The following RPSA2 variants were observed in gnomAD, a reference collection of about 807,000 sequenced individuals.
RPSA2 encodes the protein small ribosomal subunit protein uS2B.
At chr19:23,816,092 AAAGCATTTT>A in the RPSA2 span, among the ~76,000 whole-genome samples, 4 of 151,338 alleles carry the variant, frequency 2.6e-5, no homozygotes, top group Non-Finnish European at 2.9e-5. Flanking sequence ...TTAAGCTAGT[AAAGCATTTT>A]ATTTTTTCTT....
chr19:23,824,898 T>C, the RPSA2 span, among the ~76,000 whole-genome samples: 1 of 152,054 alleles, frequency 6.6e-6, no homozygotes, highest in South Asian at 2.1e-4. Context: ...CTGTATTTTT[T>C]TTCTTCATTT....
chr19:23,772,699 A>T, the RPSA2 span, among the ~76,000 whole-genome samples: 2 of 152,184 alleles, frequency 1.3e-5, no homozygotes, highest in Non-Finnish European at 2.9e-5. Flanking sequence ...TATCACCTTC[A>T]CACATGGAAA....
the RPSA2 span, among the ~76,000 whole-genome samples, chr19:23,802,466 GCT>G: frequency 2.0e-5 from 3 of 152,186 alleles, no homozygotes; most frequent in Non-Finnish European, 4.4e-5. Flanking sequence ...CACTGGAAAT[GCT>G]CTCACAATCA....
chr19:23,830,064 A>G, the RPSA2 span, among the ~76,000 whole-genome samples: 1 of 92,000 alleles, frequency 1.1e-5, no homozygotes, highest in Non-Finnish European at 2.5e-5. Context: ...TTTTTTTTTT[A>G]TTTGGCAGGA....
At chr19:23,836,091 C>T in the RPSA2 span, among the ~76,000 whole-genome samples, 1 of 151,828 alleles carries the variant, frequency 6.6e-6, no homozygotes, top group Non-Finnish European at 1.5e-5. Context: ...TCTTGGTGCA[C>T]CCATCACCCA....
At chr19:23,793,115 C>T in the RPSA2 span, among the ~76,000 whole-genome samples, 1 of 151,680 alleles carries the variant, frequency 6.6e-6, no homozygotes, top group Admixed American at 6.6e-5. Flanking sequence ...GCTTGTTTTT[C>T]AGTGAGTAAA....
the RPSA2 span, among the ~76,000 whole-genome samples, chr19:23,870,965 C>G: frequency 6.6e-6 from 1 of 152,132 alleles, no homozygotes; most frequent in East Asian, 1.9e-4. Context: ...TGCTGTGCTC[C>G]TTGAGATTAT....
chr19:23,818,669 C>T, the RPSA2 span: 1 of 152,286 alleles, frequency 6.6e-6, no homozygotes, highest in Non-Finnish European at 1.5e-5. Flanking sequence ...TGCGGTATCT[C>T]CATGATCCAT....
the RPSA2 span, among the ~76,000 whole-genome samples, chr19:23,773,012 T>C: frequency 1.3e-5 from 2 of 152,104 alleles, no homozygotes; most frequent in South Asian, 2.1e-4. Flanking sequence ...CCGGGTTGCA[T>C]TGAGTTGAGA....
the RPSA2 span, among the ~76,000 whole-genome samples, chr19:23,810,674 A>G: frequency 2.0e-5 from 3 of 152,090 alleles, no homozygotes; most frequent in African/African-American, 7.2e-5. Context: ...GCTGGAAATG[A>G]GTCATGGAAC....
chr19:23,830,131 C>T, the RPSA2 span, among the ~76,000 whole-genome samples: 1 of 150,534 alleles, frequency 6.6e-6, no homozygotes, highest in Non-Finnish European at 1.5e-5. Context: ...ACAACTTTTT[C>T]ATGACTCCAT....
the RPSA2 span, among the ~76,000 whole-genome samples, chr19:23,767,377 CCT>C: frequency 6.6e-6 from 1 of 152,150 alleles, no homozygotes; most frequent in Non-Finnish European, 1.5e-5. Context: ...CCACGCCTGG[CCT>C]CTCAACCTGA....
At chr19:23,833,055 C>A in the RPSA2 span, 14 of 1,346,546 alleles carry the variant, frequency 1.0e-5, no homozygotes, top group Admixed American at 3.8e-4. Flanking sequence ...AGAAACCCTA[C>A]AAGTGTGAAG....
the RPSA2 span, among the ~76,000 whole-genome samples, chr19:23,761,827 A>G: frequency 2.0e-5 from 3 of 151,664 alleles, no homozygotes; most frequent in African/African-American, 2.4e-5. Flanking sequence ...GTCACGGCAC[A>G]ATTACCCTGG....
chr19:23,848,546 A>G, the RPSA2 span, among the ~76,000 whole-genome samples: 2 of 152,184 alleles, frequency 1.3e-5, no homozygotes, highest in Non-Finnish European at 1.5e-5. Flanking sequence ...GAGACTTCAA[A>G]AATTTGTTTC....
chr19:23,780,926 T>C, the RPSA2 span, among the ~76,000 whole-genome samples: 2 of 152,190 alleles, frequency 1.3e-5, no homozygotes, highest in East Asian at 3.9e-4. Flanking sequence ...CTTTTGGAGA[T>C]AGTTGAATTG....
the RPSA2 span, among the ~76,000 whole-genome samples, chr19:23,794,517 G>A: frequency 3.3e-5 from 5 of 152,002 alleles, no homozygotes; most frequent in African/African-American, 1.2e-4. Flanking sequence ...CATGTTTTTT[G>A]TCTACTTGTT....
chr19:23,817,485 A>T, the RPSA2 span: 3 of 152,252 alleles, frequency 2.0e-5, no homozygotes, highest in Non-Finnish European at 4.4e-5. Flanking sequence ...TAAGGGTTTT[A>T]TGCATCATTA....
At chr19:23,827,071 A>G in the RPSA2 span, 1 of 725,602 alleles carries the variant, frequency 1.4e-6, no homozygotes, top group Middle Eastern at 3.5e-4. Context: ...TGCTTACAGT[A>G]ACAATGCTGC....
Sources: allele counts gnomAD v4.1 joint callset (sites outside exome capture counted in the v4.1 genomes callset), GRCh38; gene constraint gnomAD v4.1.1; transcripts MANE v1.5; gene names NCBI Gene and HGNC (gene_info 2026-07-23, HGNC 2026-07-21).